DUSP13B: variants seen among roughly 807,000 people sequenced by gnomAD.
DUSP13B encodes the protein dual specificity protein phosphatase 13B.
chr10:75,104,101 G>A, the DUSP13B span: 7 of 1,339,588 alleles, frequency 5.2e-6, no homozygotes, highest in Admixed American at 1.2e-4. Flanking sequence ...ACCAGCTCTG[G>A]AAGAGAGATG....
the DUSP13B span, chr10:75,098,934 CCT>C: frequency 2.5e-6 from 3 of 1,213,258 alleles, no homozygotes; most frequent in African/African-American, 3.1e-5. Context: ...ATCTTTGGGG[CCT>C]CCAGAGAGTG....
chr10:75,099,481 C>G, the DUSP13B span: 1 of 1,232,260 alleles, frequency 8.1e-7, no homozygotes, highest in Non-Finnish European at 1.0e-6. Context: ...GGGCAGGACT[C>G]TGCCTGAGCG....
the DUSP13B span, among the ~76,000 whole-genome samples, chr10:75,096,249 C>T: frequency 6.6e-6 from 1 of 151,638 alleles, no homozygotes. Flanking sequence ...AGCTAGACTC[C>T]ATCTCAAAAA....
chr10:75,094,523 G>GC, the DUSP13B span: 1 of 770,896 alleles, frequency 1.3e-6, no homozygotes, highest in South Asian at 1.8e-5. Context: ...AAATCCACCC[G>GC]CTAAGAGGTC....
chr10:75,108,314 A>C, the DUSP13B span: 14 of 1,479,452 alleles, frequency 9.5e-6, no homozygotes, highest in Non-Finnish European at 1.2e-5. Context: ...TAGGGTCCAA[A>C]GAGAGTCCAA....
At chr10:75,098,438 C>T in the DUSP13B span, among the ~76,000 whole-genome samples, 76 of 152,290 alleles carry the variant, frequency 5.0e-4, no homozygotes, top group African/African-American at 1.8e-3. Context: ...TTAGCAACTC[C>T]GCATGGAATG....
At chr10:75,105,681 G>C in the DUSP13B span, 28 of 1,548,982 alleles carry the variant, frequency 1.8e-5, no homozygotes, top group Non-Finnish European at 2.3e-5. Flanking sequence ...AGCTCTGGCC[G>C]GCACCCCGCA....
chr10:75,103,903 C>G, the DUSP13B span: 75 of 1,310,114 alleles, frequency 5.7e-5, no homozygotes, highest in Non-Finnish European at 7.4e-5. Flanking sequence ...CCTGTGGAGA[C>G]TGAAGACAGT....
the DUSP13B span, among the ~76,000 whole-genome samples, chr10:75,103,658 GC>G: frequency 6.6e-6 from 1 of 152,218 alleles, no homozygotes; most frequent in Non-Finnish European, 1.5e-5. Flanking sequence ...GCACACCCAT[GC>G]CTGCAGCCAT....
chr10:75,105,952 G>T, the DUSP13B span: 1 of 1,323,022 alleles, frequency 7.6e-7, no homozygotes, highest in South Asian at 1.4e-5. Context: ...TTCCTTTCCT[G>T]ACCCTGCCTT....
the DUSP13B span, among the ~76,000 whole-genome samples, chr10:75,100,353 GC>G: frequency 6.6e-6 from 1 of 152,068 alleles, no homozygotes; most frequent in African/African-American, 2.4e-5. Flanking sequence ...TCAGGGTGTT[GC>G]CCCACCTGTC....
At chr10:75,108,365 T>C in the DUSP13B span, 1 of 1,358,600 alleles carries the variant, frequency 7.4e-7, no homozygotes, top group Non-Finnish European at 9.7e-7. Context: ...CACAGCCCTA[T>C]ACCCAGAGCC....
the DUSP13B span, chr10:75,097,691 C>T: frequency 1.3e-6 from 2 of 1,541,214 alleles, no homozygotes; most frequent in South Asian, 1.2e-5. Flanking sequence ...CATCCCCACT[C>T]CTAACGTGGG....
At chr10:75,097,606 C>G in the DUSP13B span, 259,539 of 1,078,660 alleles carry the variant, frequency 0.24, 34,741 homozygotes, top group East Asian at 0.57. Context: ...GGGAGGCAAG[C>G]GTGCCACCTC....
chr10:75,105,744 C>G, the DUSP13B span: 14 of 1,554,300 alleles, frequency 9.0e-6, no homozygotes, highest in Non-Finnish European at 1.1e-5. Flanking sequence ...TGGGGAAGAC[C>G]CATCGGTGCT....
the DUSP13B span, among the ~76,000 whole-genome samples, chr10:75,108,503 C>A: frequency 2.6e-5 from 4 of 152,302 alleles, no homozygotes; most frequent in Admixed American, 1.3e-4. Context: ...AGCCCTGGAA[C>A]CTGGCTGCCC....
At chr10:75,098,854 T>C in the DUSP13B span, among the ~76,000 whole-genome samples, 2 of 152,238 alleles carry the variant, frequency 1.3e-5, no homozygotes, top group African/African-American at 4.8e-5. Flanking sequence ...TTAAAAGTGA[T>C]GCCCAAAGCC....
At chr10:75,102,844 C>G in the DUSP13B span, among the ~76,000 whole-genome samples, 1 of 152,078 alleles carries the variant, frequency 6.6e-6, no homozygotes, top group Non-Finnish European at 1.5e-5. Flanking sequence ...CCCAGCTACT[C>G]GGGAGCCTGA....
At chr10:75,101,626 C>T in the DUSP13B span, among the ~76,000 whole-genome samples, 2 of 152,314 alleles carry the variant, frequency 1.3e-5, no homozygotes, top group South Asian at 2.1e-4. Flanking sequence ...GAAACCGAGA[C>T]TCAGAGAGGT....
Sources: allele counts gnomAD v4.1 joint callset (sites outside exome capture counted in the v4.1 genomes callset), GRCh38; gene constraint gnomAD v4.1.1; transcripts MANE v1.5; gene names NCBI Gene and HGNC (gene_info 2026-07-23, HGNC 2026-07-21).